TMEM132B: variants seen among roughly 807,000 people sequenced by gnomAD.
The protein encoded by TMEM132B is transmembrane protein 132B.
Under a neutral mutation model 90.8 loss-of-function variants are expected in TMEM132B, and 18 were observed. The observed-to-expected ratio is 0.20, with a 90% CI of 0.14 to 0.29. TMEM132B has a LOEUF of 0.29. Ranked by LOEUF, TMEM132B falls within the 10% of genes least tolerant of loss-of-function variation. TMEM132B has a pLI of 1.00. For missense variants in TMEM132B, 1,096 were observed against 1,326.8 expected, an observed-to-expected ratio of 0.83 and a Z score of 2.70; for synonymous variants, 504 against 523.3, an observed-to-expected ratio of 0.96 and a Z score of 0.50.
At position 125,540,137 on chromosome 12, in the gene TMEM132B, A is replaced by G. The variant is rs181933009; in HGVS notation, c.1293+20512A>G. ...GGGGGCATTTTCCAGATATCTTTCT[A>G]TTACTGATTTCTAACTTTTATCCCA... On this transcript the variant is annotated intron_variant, in intron 4 of 8. Coordinates refer to ENST00000682704, the MANE Select transcript of TMEM132B (RefSeq NM_001366854.1). Among the ~76,000 whole-genome samples, 28 of 152,308 alleles carry G rather than the reference A, an allele frequency of 1.8e-4. No individual in the cohort carries two copies. The East Asian group carries it at 4.8e-3, about 26-fold the overall frequency.
In TMEM132B at chr12:125,660,393, G is replaced by C. The variant is rs998631400; in HGVS notation, c.*5683G>C. 6.6e-6 allele frequency: 1 copy of C among 152,170 alleles called. No homozygotes were observed. Among genetic ancestry groups the C allele is most frequent in the Non-Finnish European group, 1.5e-5 (1 of 68,030 alleles). The allele number at this position is 152,170 out of a possible 1,614,324, so 9.4% of individuals were successfully genotyped here. On this transcript the variant is annotated 3_prime_UTR_variant, in exon 9 of 9. Transcript: ENST00000682704. ...TTTGAAGTAAGATTTGTAAAAGAAT[G>C]AACACTTTAGGTTTTGTGTGTGAGT...
At chr12:125,370,705 G>A (rs149439254) in intron 2 of TMEM132B, among the ~76,000 whole-genome samples, 158 of 152,252 alleles carry the variant, frequency 1.0e-3, no homozygotes, top group African/African-American at 3.6e-3. Context: ...TACCGCATCC[G>A]GCCAATTTCA....
chr12:125,312,951 C>T (rs1445196433), intron 1 of TMEM132B, among the ~76,000 whole-genome samples: 1 of 152,214 alleles, frequency 6.6e-6, no homozygotes, highest in African/African-American at 2.4e-5. Flanking sequence ...ACAACTGGTG[C>T]TGGATGTGTC....
At chr12:125,472,070 C>T (rs1447547268) in intron 3 of TMEM132B, among the ~76,000 whole-genome samples, 1 of 152,214 alleles carries the variant, frequency 6.6e-6, no homozygotes, top group Non-Finnish European at 1.5e-5. Flanking sequence ...GCTATTCCAA[C>T]ATCCTAGCCT....
chr12:125,349,543 G>A lies in TMEM132B; in HGVS notation c.159G>A (p.Glu53=), dbSNP rs373741944. The change falls in exon 2 of 9, where the codon GAG becomes GAA. Residue 53 remains glutamate, a synonymous_variant. Transcript: ENST00000682704. This position sits in a 1 kb window ranked among gnomAD's most constrained non-coding sequence, Gnocchi z 4.1. ...CGAACTTGCACATCTCCAATGCAGAGGAGTCCTTTTTCCTTAAAGAAGCCA... is the reference window on the plus strand; with the variant it reads ...CGAACTTGCACATCTCCAATGCAGAAGAGTCCTTTTTCCTTAAAGAAGCCA... ...LPTNLHISNA[E]ESFFLKEANQ... 1 of 1,614,058 alleles carries A rather than the reference G, an allele frequency of 6.2e-7. No individual in the cohort carries two copies. The highest frequency in any genetic ancestry group is 1.3e-5 in the African/African-American group (1 of 74,918).
chr12:125,332,245 A>G (rs1052272090), intron 1 of TMEM132B, among the ~76,000 whole-genome samples: 1 of 152,218 alleles, frequency 6.6e-6, no homozygotes, highest in Non-Finnish European at 1.5e-5. Context: ...ACTGGTACTC[A>G]GTAGATATCT....
At chr12:125,236,824 C>T (rs562264178) in intron 1 of TMEM132B, among the ~76,000 whole-genome samples, 2 of 152,354 alleles carry the variant, frequency 1.3e-5, no homozygotes, top group East Asian at 1.9e-4. Flanking sequence ...TTTCCTTTTC[C>T]GTATTTTCAT....
intron 1 of TMEM132B, among the ~76,000 whole-genome samples, chr12:125,303,282 A>C (rs533407274): frequency 6.6e-6 from 1 of 152,272 alleles, no homozygotes; most frequent in East Asian, 1.9e-4. Context: ...TATATTTAAC[A>C]TAATGTTTTC....
At chr12:125,613,562 T>G (rs1885915040) in intron 5 of TMEM132B, among the ~76,000 whole-genome samples, 1 of 151,960 alleles carries the variant, frequency 6.6e-6, no homozygotes. Flanking sequence ...ATATCTTCAC[T>G]ATTTTTGAGT....
intron 1 of TMEM132B, among the ~76,000 whole-genome samples, chr12:125,321,147 T>C (rs959784967): frequency 3.3e-5 from 5 of 152,174 alleles, no homozygotes; most frequent in Non-Finnish European, 7.4e-5. Flanking sequence ...TCTGGATACA[T>C]GCAATGTAGA....
chr12:125,534,576 A>G (rs2136706029), intron 4 of TMEM132B, among the ~76,000 whole-genome samples: 1 of 152,246 alleles, frequency 6.6e-6, no homozygotes, highest in East Asian at 1.9e-4. Context: ...CAACAACAAA[A>G]CAGTAAACAA....
At chr12:125,523,547 G>C (rs1389600541) in intron 4 of TMEM132B, among the ~76,000 whole-genome samples, 1 of 152,134 alleles carries the variant, frequency 6.6e-6, no homozygotes, top group Non-Finnish European at 1.5e-5. Flanking sequence ...GCCATGCCAA[G>C]TAACATATTC....
At chr12:125,233,853 C>G (rs1395205091) in intron 1 of TMEM132B, among the ~76,000 whole-genome samples, 1 of 152,182 alleles carries the variant, frequency 6.6e-6, no homozygotes, top group East Asian at 1.9e-4. Context: ...AGCGGACTCT[C>G]TCTTATTCAA....
intron 5 of TMEM132B, among the ~76,000 whole-genome samples, chr12:125,611,671 T>A (rs529506593): frequency 2.0e-4 from 30 of 152,264 alleles, no homozygotes; most frequent in Non-Finnish European, 4.0e-4. Context: ...GACTGATTGG[T>A]TATTTAGTAG....
At chr12:125,509,643 C>T (rs757311999) in intron 3 of TMEM132B, among the ~76,000 whole-genome samples, 15 of 151,970 alleles carry the variant, frequency 9.9e-5, no homozygotes, top group African/African-American at 2.7e-4. Flanking sequence ...TTGGGAGTCT[C>T]GGGAGGTAGC....
intron 4 of TMEM132B, among the ~76,000 whole-genome samples, chr12:125,533,376 A>G (rs986035406): frequency 9.2e-5 from 14 of 152,362 alleles, no homozygotes; most frequent in Admixed American, 1.3e-4. Flanking sequence ...CAATCGGAAT[A>G]GATGCACCTT....
At chr12:125,370,555 C>T (rs988119194) in intron 2 of TMEM132B, among the ~76,000 whole-genome samples, 1 of 152,102 alleles carries the variant, frequency 6.6e-6, no homozygotes, top group Non-Finnish European at 1.5e-5. Flanking sequence ...AGTCCCTTCT[C>T]CCCCCATCAG....
chr12:125,579,347 A>C (rs185243158), intron 4 of TMEM132B, among the ~76,000 whole-genome samples: 1 of 149,250 alleles, frequency 6.7e-6, no homozygotes, highest in Admixed American at 6.7e-5. Context: ...TTGGTGAGAC[A>C]GCTTTCTCAT....
intron 3 of TMEM132B, among the ~76,000 whole-genome samples, chr12:125,491,710 T>C (rs533679762): frequency 6.6e-6 from 1 of 152,188 alleles, no homozygotes; most frequent in Non-Finnish European, 1.5e-5. Context: ...TTGAGCTTGG[T>C]CCATTAGTCA....
Sources: allele counts gnomAD v4.1 joint callset (sites outside exome capture counted in the v4.1 genomes callset), GRCh38; gene constraint gnomAD v4.1.1; non-coding constraint Gnocchi (gnomAD v3.1); transcripts MANE v1.5; gene names NCBI Gene and HGNC (gene_info 2026-07-23, HGNC 2026-07-21).